DYNC1I1: variants seen among roughly 807,000 people sequenced by gnomAD.
DYNC1I1 encodes cytoplasmic dynein 1 intermediate chain 1.
In DYNC1I1, 43 loss-of-function variants were observed where a neutral mutation model predicts 86.6. The observed-to-expected ratio is 0.50, with a 90% CI of 0.39 to 0.64. The LOEUF is 0.64. DYNC1I1 is among the 30% of genes least tolerant of loss of function. The pLI is 0.00. For missense variants in DYNC1I1, 604 were observed against 788.8 expected (o/e 0.77, Z 2.81); for synonymous variants, 262 against 283.7 (o/e 0.92, Z 0.77).
At chr7:95,849,733 C>T (rs71564808) in intron 5 of DYNC1I1, among the ~76,000 whole-genome samples, 14,322 of 151,920 alleles carry the variant, frequency 0.094, 724 homozygotes, top group South Asian at 0.14. Context: ...ATTTTAGGAT[C>T]GTTTTTCCTA....
At chr7:95,928,420 T>A (rs1039448457) in intron 6 of DYNC1I1, among the ~76,000 whole-genome samples, 1 of 152,172 alleles carries the variant, frequency 6.6e-6, no homozygotes, top group African/African-American at 2.4e-5. Context: ...ACAATGTGCC[T>A]GAAGAGGAAA....
chr7:95,878,917 G>A (rs10262033), intron 6 of DYNC1I1, among the ~76,000 whole-genome samples: 48,076 of 149,110 alleles, frequency 0.32, 7,823 homozygotes, highest in Admixed American at 0.38. Context: ...AGAAGACAGT[G>A]GTGTGGTGTA....
chr7:95,838,511 G>C (rs925465280), intron 5 of DYNC1I1, among the ~76,000 whole-genome samples: 1 of 152,010 alleles, frequency 6.6e-6, no homozygotes, highest in African/African-American at 2.4e-5. Flanking sequence ...AGATTGCTTT[G>C]GTTATTCAAG....
chr7:95,846,234 T>C (rs1449430699), intron 5 of DYNC1I1, among the ~76,000 whole-genome samples: 1 of 152,196 alleles, frequency 6.6e-6, no homozygotes, highest in Admixed American at 6.5e-5. Context: ...TTTAATGTCC[T>C]TTGTAAAGTG....
Position 95,818,215 on chromosome 7 carries a change from T to G in DYNC1I1, c.314+4878T>G, listed in dbSNP as rs1321756253. Among the ~76,000 whole-genome samples the G allele has an allele frequency of 2.6e-5, 4 of 151,918 alleles. No individual in the cohort carries two copies. In the East Asian group the frequency reaches 7.7e-4, roughly 29 times the overall value. ...AGAATTAATTTTTGTCTTTTTTTTT[T>G]TTTTGACCATCTTTGGTCTTAACAC... On this transcript the variant is annotated intron_variant, in intron 4 of 16. Coordinates refer to ENST00000447467, the MANE Select transcript of DYNC1I1 (RefSeq NM_001135556.2).
intron 10 of DYNC1I1, among the ~76,000 whole-genome samples, chr7:96,004,646 G>GCGCA (rs112548540): frequency 6.8e-6 from 1 of 146,142 alleles, no homozygotes; most frequent in African/African-American, 2.5e-5. Flanking sequence ...ATAAATGCAT[G>GCGCA]CACACACACA....
intron 7 of DYNC1I1, among the ~76,000 whole-genome samples, chr7:95,978,896 A>G (rs1433507578): frequency 1.3e-5 from 2 of 152,118 alleles, no homozygotes; most frequent in African/African-American, 4.8e-5. Context: ...CCCAGGTTCA[A>G]GCTATTCTCC....
intron 6 of DYNC1I1, among the ~76,000 whole-genome samples, chr7:95,893,085 A>G (rs1790786713): frequency 6.6e-6 from 1 of 152,140 alleles, no homozygotes; most frequent in African/African-American, 2.4e-5. Context: ...AAGCTTTGAA[A>G]AGGGAGGGTT....
chr7:95,807,661 C>G (rs1794733363), intron 2 of DYNC1I1, among the ~76,000 whole-genome samples: 1 of 152,102 alleles, frequency 6.6e-6, no homozygotes, highest in South Asian at 2.1e-4. Flanking sequence ...TCATCCTTTG[C>G]CTGGCTGTTA....
chr7:96,031,770 C>A (rs1343260845), intron 11 of DYNC1I1, among the ~76,000 whole-genome samples: 1 of 152,132 alleles, frequency 6.6e-6, no homozygotes, highest in Non-Finnish European at 1.5e-5. Flanking sequence ...CAAAGAAGCA[C>A]CAAGTAAGTG....
chr7:96,065,089 A>G (rs1202876941), intron 14 of DYNC1I1, among the ~76,000 whole-genome samples: 2 of 152,202 alleles, frequency 1.3e-5, no homozygotes, highest in Non-Finnish European at 2.9e-5. Flanking sequence ...GTGCACCCAC[A>G]TGGACCATTG....
Position 95,866,611 on chromosome 7 carries a change from G to A in DYNC1I1, c.375-3272G>A, listed in dbSNP as rs114467056. On this transcript the variant is annotated intron_variant, in intron 5 of 16. Coordinates refer to ENST00000447467, the MANE Select transcript of DYNC1I1 (RefSeq NM_001135556.2). The stretch of plus-strand genomic sequence containing the variant: ...TAAAATAAGATGATGTATGAAAAGC[G>A]TCTGGCATATTGTAAGTCCCTGGTT... Among the ~76,000 whole-genome samples the A allele has an allele frequency of 6.9e-3, 1,043 of 152,244 alleles. 11 individuals are homozygous for A. The highest frequency in any genetic ancestry group is 0.022 in the African/African-American group (926 of 41,552).
Position 95,828,986 on chromosome 7 carries a change from C to T in DYNC1I1, c.374+870C>T, listed in dbSNP as rs562769663. 1.7e-3 allele frequency among the ~76,000 whole-genome samples: 262 copies of T among 152,250 alleles called. 2 individuals are homozygous for T. The highest frequency in any genetic ancestry group is 0.013 in the South Asian group (62 of 4,816). On this transcript the variant is annotated intron_variant, in intron 5 of 16. Coordinates refer to ENST00000447467, the MANE Select transcript of DYNC1I1 (RefSeq NM_001135556.2). ...AGTATTTACACCACAGAAATTGCCT[C>T]CTTTCCTACAAGCAATTTATTAAGC...
At chr7:96,086,845 G>A (rs1790695535) in intron 16 of DYNC1I1, among the ~76,000 whole-genome samples, 1 of 152,096 alleles carries the variant, frequency 6.6e-6, no homozygotes, top group African/African-American at 2.4e-5. Context: ...ACGCCAACAG[G>A]AAGAATGGCC....
At chr7:95,773,508 T>C (rs534846077) in intron 1 of DYNC1I1, among the ~76,000 whole-genome samples, 1 of 152,256 alleles carries the variant, frequency 6.6e-6, no homozygotes, top group South Asian at 2.1e-4. Context: ...GGGAGTCTCA[T>C]GACTTGTACC....
At chr7:95,977,742 T>G in intron 7 of DYNC1I1, 141 bp downstream of exon 7, 1 of 625,408 alleles carries the variant, frequency 1.6e-6, no homozygotes, top group South Asian at 3.4e-5. Context: ...TTCAATACAT[T>G]ACATTTAGCA....
chr7:95,900,779 A>T lies in DYNC1I1; in HGVS notation c.490+30781A>T, dbSNP rs116755311. On this transcript the variant is annotated intron_variant, in intron 6 of 16. Coordinates refer to ENST00000447467, the MANE Select transcript of DYNC1I1 (RefSeq NM_001135556.2). The stretch of plus-strand genomic sequence containing the variant: ...AAAAATCCTAGCACAAATGGAATAA[A>T]AAAGTTTTATTAAGAAGAATCATAC... Among the ~76,000 whole-genome samples the T allele has an allele frequency of 4.3e-3, 659 of 152,314 alleles. 8 individuals carry two copies. The highest frequency in any genetic ancestry group is 0.015 in the African/African-American group (614 of 41,570).
intron 16 of DYNC1I1, among the ~76,000 whole-genome samples, chr7:96,083,379 C>T (rs1404638176): frequency 1.3e-5 from 2 of 151,504 alleles, no homozygotes; most frequent in African/African-American, 4.9e-5. Flanking sequence ...TCGCTGAAGA[C>T]CTCGTCTGTA....
chr7:96,099,245 T>G (rs547470789), downstream of DYNC1I1, among the ~76,000 whole-genome samples: 5 of 152,310 alleles, frequency 3.3e-5, no homozygotes, highest in Middle Eastern at 3.4e-3. Flanking sequence ...AGTAGGCACA[T>G]AAAATGTTAC....
Sources: allele counts gnomAD v4.1 joint callset (sites outside exome capture counted in the v4.1 genomes callset), GRCh38; gene constraint gnomAD v4.1.1; transcripts MANE v1.5; gene names NCBI Gene and HGNC (gene_info 2026-07-23, HGNC 2026-07-21).